NEXMIF: variants seen among roughly 807,000 people sequenced by gnomAD.
The protein encoded by NEXMIF is neurite extension and migration factor.
In NEXMIF, 8 loss-of-function variants were observed where a neutral mutation model predicts 62.1. That is an observed-to-expected ratio of 0.13 (90% CI 0.08 to 0.23). NEXMIF has a LOEUF of 0.23. Ranked by LOEUF, NEXMIF falls within the 10% of genes least tolerant of loss-of-function variation. The pLI, the probability that NEXMIF is intolerant of heterozygous loss-of-function variation, is 1.00. For synonymous variants in NEXMIF, 404 were observed against 416.6 expected (o/e 0.97, Z 0.37); for missense variants, 976 against 1,113.3 (o/e 0.88, Z 1.75).
Position 74,736,162 on chromosome X carries a change from C to T in NEXMIF, c.*3243G>A, listed in dbSNP as rs2080084437. On this transcript the variant is annotated 3_prime_UTR_variant, in exon 4 of 4. Coordinates refer to ENST00000055682, the MANE Select transcript of NEXMIF (RefSeq NM_001008537.3). ...TCCATGTAACACAACTGTCCTTGTA[C>T]CCCTACTCTATAAAAATTAAAAAAA... 9.0e-6 allele frequency: 1 copy of T among 110,826 alleles called. No individual in the cohort carries two copies. Among genetic ancestry groups the T allele is most frequent in the Non-Finnish European group, 1.9e-5 (1 of 52,900 alleles). 9.1% of individuals were successfully genotyped at this position (110,826 alleles called of 1,213,427 possible). A position where few individuals can be genotyped will look rare whatever the true frequency, so the allele number is the denominator to read the frequency against.
chrX:74,850,231 G>T (rs984765312), intron 1 of NEXMIF, among the ~76,000 whole-genome samples: 1 of 112,212 alleles, frequency 8.9e-6, no homozygotes, highest in African/African-American at 3.2e-5. Flanking sequence ...TGTGTGACTT[G>T]CAGACCTGAG....
At chrX:74,779,976 T>C (rs2080241322) in intron 1 of NEXMIF, among the ~76,000 whole-genome samples, 1 of 111,398 alleles carries the variant, frequency 9.0e-6, no homozygotes, top group South Asian at 3.8e-4. Flanking sequence ...TACTTGGAAA[T>C]GGCTGGGGGA....
At chrX:74,887,553 T>C (rs2080700294) in intron 1 of NEXMIF, among the ~76,000 whole-genome samples, 1 of 112,140 alleles carries the variant, frequency 8.9e-6, no homozygotes, top group Non-Finnish European at 1.9e-5. Context: ...GAAATGCTCA[T>C]CATCACTGGC....
chrX:74,777,269 A>C (rs1409595452), intron 1 of NEXMIF, among the ~76,000 whole-genome samples: 1 of 111,518 alleles, frequency 9.0e-6, no homozygotes, highest in African/African-American at 3.3e-5. Flanking sequence ...CAATATGCTC[A>C]GGTCAGAATA....
At chrX:74,781,311 A>AGGT (rs1307695260) in intron 1 of NEXMIF, among the ~76,000 whole-genome samples, 1 of 112,733 alleles carries the variant, frequency 8.9e-6, no homozygotes, top group Non-Finnish European at 1.9e-5. Flanking sequence ...GGTTAGTGGC[A>AGGT]TAAATCGATG....
intron 1 of NEXMIF, among the ~76,000 whole-genome samples, chrX:74,855,066 C>A (rs958986696): frequency 2.1e-4 from 23 of 111,135 alleles, no homozygotes; most frequent in East Asian, 1.1e-3. Context: ...GGAAAAAAAA[C>A]CCTAAAATTT....
At chrX:74,909,705 C>CGATGGGAGA (rs2147373086) in intron 1 of NEXMIF, among the ~76,000 whole-genome samples, 1 of 112,055 alleles carries the variant, frequency 8.9e-6, no homozygotes. Context: ...GCAGCCTCTC[C>CGATGGGAGA]CATCATAGAC....
chrX:74,896,061 A>T (rs1330429650), intron 1 of NEXMIF, among the ~76,000 whole-genome samples: 1 of 111,245 alleles, frequency 9.0e-6, no homozygotes, highest in Non-Finnish European at 1.9e-5. Flanking sequence ...TTTCCATAGC[A>T]GATTCAACCA....
intron 1 of NEXMIF, among the ~76,000 whole-genome samples, chrX:74,895,616 G>A (rs1415361764): frequency 9.0e-6 from 1 of 111,420 alleles, no homozygotes; most frequent in Admixed American, 9.6e-5. Flanking sequence ...CAGGTGCATA[G>A]ACCAATGGAA....
At chrX:74,770,849 A>T (rs1345486440) in intron 1 of NEXMIF, among the ~76,000 whole-genome samples, 1 of 112,306 alleles carries the variant, frequency 8.9e-6, no homozygotes, top group Non-Finnish European at 1.9e-5. Context: ...TGAAAATAAG[A>T]ACCTACTATA....
At chrX:74,877,600 C>G (rs1314423232) in intron 1 of NEXMIF, among the ~76,000 whole-genome samples, 5 of 111,527 alleles carry the variant, frequency 4.5e-5, no homozygotes, top group Admixed American at 9.5e-5. Flanking sequence ...CAACTTGGTT[C>G]CATTCTCCCC....
intron 2 of NEXMIF, among the ~76,000 whole-genome samples, chrX:74,745,228 C>T (rs1412440732): frequency 9.0e-6 from 1 of 110,587 alleles, no homozygotes; most frequent in African/African-American, 3.3e-5. Flanking sequence ...AATGATCTGC[C>T]CACCTCGGCC....
chrX:74,770,365 G>A (rs1168489246), intron 1 of NEXMIF, among the ~76,000 whole-genome samples: 1 of 111,885 alleles, frequency 8.9e-6, no homozygotes, highest in Non-Finnish European at 1.9e-5. Flanking sequence ...TATTTAATCT[G>A]TGAACAATAC....
At chrX:74,878,637 C>T (rs941286108) in intron 1 of NEXMIF, among the ~76,000 whole-genome samples, 15 of 112,499 alleles carry the variant, frequency 1.3e-4, no homozygotes, top group Non-Finnish European at 2.3e-4. Context: ...TCGCAATCAG[C>T]GGGACTCCGT....
chrX:74,840,897 T>C (rs1285975244), intron 1 of NEXMIF, among the ~76,000 whole-genome samples: 1 of 111,925 alleles, frequency 8.9e-6, no homozygotes, highest in Non-Finnish European at 1.9e-5. Flanking sequence ...TGTAGTATAG[T>C]TTGAAGTCAG....
At chrX:74,791,000 C>G (rs1200387451) in intron 1 of NEXMIF, among the ~76,000 whole-genome samples, 1 of 110,832 alleles carries the variant, frequency 9.0e-6, no homozygotes, top group Non-Finnish European at 1.9e-5. Context: ...CTGGCCAGAA[C>G]TTCCAACACT....
At chrX:74,790,271 A>C (rs1031504018) in intron 1 of NEXMIF, among the ~76,000 whole-genome samples, 1 of 109,727 alleles carries the variant, frequency 9.1e-6, no homozygotes, top group Non-Finnish European at 1.9e-5. Flanking sequence ...GGTTTGTCAA[A>C]GATCAGATAG....
At chrX:74,878,571 G>A (rs964414608) in intron 1 of NEXMIF, among the ~76,000 whole-genome samples, 1 of 112,724 alleles carries the variant, frequency 8.9e-6, no homozygotes, top group Non-Finnish European at 1.9e-5. Context: ...GGCAATGGCA[G>A]GCGCCCCTCC....
chrX:74,885,291 A>G (rs904507294), intron 1 of NEXMIF, among the ~76,000 whole-genome samples: 3 of 111,943 alleles, frequency 2.7e-5, no homozygotes, highest in Non-Finnish European at 5.6e-5. Flanking sequence ...AGAAATAACT[A>G]AGATCAGAGC....
Sources: allele counts gnomAD v4.1 joint callset (sites outside exome capture counted in the v4.1 genomes callset), GRCh38; gene constraint gnomAD v4.1.1; transcripts MANE v1.5; gene names NCBI Gene and HGNC (gene_info 2026-07-23, HGNC 2026-07-21).